RMI1: variants seen among roughly 807,000 people sequenced by gnomAD.
RMI1 encodes recQ-mediated genome instability protein 1.
RMI1 carries 36 observed loss-of-function variants against 46.7 expected under a neutral mutation model. That is an observed-to-expected ratio of 0.77 (90% CI 0.59 to 1.02). RMI1 has a LOEUF of 1.02. Among genes scored for constraint, RMI1 ranks in the 50% least tolerant of loss-of-function variants. The pLI is 0.00. For synonymous variants in RMI1, 250 were observed against 252.9 expected (o/e 0.99, Z 0.11); for missense variants, 676 against 713.7 (o/e 0.95, Z 0.60).
intron 1 of RMI1, among the ~76,000 whole-genome samples, chr9:83,984,052 A>G (rs893347953): frequency 6.6e-6 from 1 of 152,040 alleles, no homozygotes; most frequent in Non-Finnish European, 1.5e-5. Context: ...TGCCACATAA[A>G]TCTTTGTCTT....
At chr9:83,988,492 C>T (rs965639592) in intron 1 of RMI1, among the ~76,000 whole-genome samples, 1 of 152,056 alleles carries the variant, frequency 6.6e-6, no homozygotes, top group Non-Finnish European at 1.5e-5. Context: ...TTGGTAGAGA[C>T]AGAGTTTTGC....
At chr9:83,993,781 T>A (rs568727215) in intron 1 of RMI1, among the ~76,000 whole-genome samples, 21 of 151,834 alleles carry the variant, frequency 1.4e-4, no homozygotes, top group Admixed American at 2.6e-4. Flanking sequence ...TGTATATCTT[T>A]TTATTATTAT....
chr9:83,994,122 T>C (rs1957615756), intron 1 of RMI1, among the ~76,000 whole-genome samples: 1 of 152,112 alleles, frequency 6.6e-6, no homozygotes, highest in African/African-American at 2.4e-5. Context: ...TCAAGCTCTT[T>C]GCCCATTTTC....
chr9:83,983,754 G>A (rs1031560303), intron 1 of RMI1, among the ~76,000 whole-genome samples: 1 of 151,986 alleles, frequency 6.6e-6, no homozygotes, highest in Non-Finnish European at 1.5e-5. Flanking sequence ...ATGCAGATTA[G>A]TGTGGTCAGC....
chr9:83,980,717 G>A (rs953056894), upstream of RMI1: 4 of 152,300 alleles, frequency 2.6e-5, no homozygotes, highest in Admixed American at 6.5e-5. Context: ...GGGCGGGGAA[G>A]GGGCGTTTTC....
chr9:83,991,324 A>G (rs1256033967), intron 1 of RMI1, among the ~76,000 whole-genome samples: 1 of 148,532 alleles, frequency 6.7e-6, no homozygotes, highest in South Asian at 2.1e-4. Flanking sequence ...TTTTTTAACT[A>G]ATATTTTTTA....
intron 1 of RMI1, among the ~76,000 whole-genome samples, chr9:83,995,928 T>A (rs1437622563): frequency 6.6e-6 from 1 of 152,204 alleles, no homozygotes; most frequent in African/African-American, 2.4e-5. Flanking sequence ...TCTTTTAGGA[T>A]GTTAGTCCCA....
chr9:83,994,051 T>C (rs138776362), intron 1 of RMI1, among the ~76,000 whole-genome samples: 1,751 of 152,060 alleles, frequency 0.012, 34 homozygotes, highest in African/African-American at 0.04. Context: ...CCCAAAGTGC[T>C]GGGATTACAA....
At chr9:83,993,610 G>C (rs775844417) in intron 1 of RMI1, among the ~76,000 whole-genome samples, 4 of 151,960 alleles carry the variant, frequency 2.6e-5, no homozygotes, top group Non-Finnish European at 5.9e-5. Context: ...CAGTGCACAG[G>C]GGTTTCAATT....
intron 1 of RMI1, among the ~76,000 whole-genome samples, chr9:83,995,703 C>T (rs1185748597): frequency 6.6e-6 from 1 of 152,234 alleles, no homozygotes; most frequent in Non-Finnish European, 1.5e-5. Context: ...GCTGGGATTA[C>T]AGGCGTGAGC....
Position 84,002,575 on chromosome 9 carries a change from T to G in RMI1, c.1589T>G (p.Ile530Arg), listed in dbSNP as rs756309332. The G allele has an allele frequency of 3.7e-6, 6 of 1,613,954 alleles. No individual in the cohort carries two copies. The highest frequency in any genetic ancestry group is 5.1e-6 in the Non-Finnish European group (6 of 1,179,884). The change falls in exon 3 of 3, where the codon ATA becomes AGA. Residue 530 changes from isoleucine to arginine, a missense_variant. Physicochemically the swap from Ile to Arg is moderately conservative, Grantham distance 97. Transcript: ENST00000445877. ...TCAAGTTCTGGTGGTATTTGGAGTATAACTGCAAAGGTGTCTGATGGTACT... is the reference window on the plus strand; with the variant it reads ...TCAAGTTCTGGTGGTATTTGGAGTAGAACTGCAAAGGTGTCTGATGGTACT... ...NLSSSGGIWS[I>R]TAKVSDGTAY...
intron 1 of RMI1, among the ~76,000 whole-genome samples, chr9:83,986,669 T>G (rs975621308): frequency 6.6e-6 from 1 of 152,226 alleles, no homozygotes; most frequent in Non-Finnish European, 1.5e-5. Context: ...AAAAAAATTT[T>G]AAGTCTTACA....
Position 83,980,829 on chromosome 9 carries a change from C to G in RMI1, c.-188C>G, listed in dbSNP as rs775640075. On this transcript the variant is annotated 5_prime_UTR_variant, in exon 1 of 3. Transcript: ENST00000445877. ...GAACTGGGAGCGCGCCGCGGCGGTT[C>G]CTGTCCTTACAGTTGCGCTGCCCAG... 1 of 152,380 alleles carries G rather than the reference C, an allele frequency of 6.6e-6. No homozygotes were observed. The highest frequency in any genetic ancestry group is 2.4e-5 in the African/African-American group (1 of 41,472). 9.4% of individuals were successfully genotyped at this position (152,380 alleles called of 1,614,324 possible). A position where few individuals can be genotyped will look rare whatever the true frequency, so the allele number is the denominator to read the frequency against.
In RMI1 at chr9:83,999,775, A is replaced by G. The variant is rs1424111596; in HGVS notation, c.-59A>G. The G allele has an allele frequency of 6.6e-6, 1 of 152,210 alleles. No homozygotes were observed. Among genetic ancestry groups the G allele is most frequent in the Non-Finnish European group, 1.5e-5 (1 of 68,034 alleles). 9.4% of individuals were successfully genotyped at this position (152,210 alleles called of 1,614,324 possible). On this transcript the variant is annotated 5_prime_UTR_variant, in exon 2 of 3. Coordinates refer to ENST00000445877, the MANE Select transcript of RMI1 (RefSeq NM_001358291.2). ...AACCAGTTCCAAATTCTGTCATCAAATCCTGTGCTGCTGTTCCTCGTGGTA... is the reference window on the plus strand; with the variant it reads ...AACCAGTTCCAAATTCTGTCATCAAGTCCTGTGCTGCTGTTCCTCGTGGTA...
chr9:83,995,482 C>G (rs911455371), intron 1 of RMI1, among the ~76,000 whole-genome samples: 1 of 148,776 alleles, frequency 6.7e-6, no homozygotes. Context: ...GGCTAGAGTG[C>G]AATAGCACGA....
At chr9:83,999,024 C>G (rs989510949) in intron 1 of RMI1, among the ~76,000 whole-genome samples, 4 of 152,010 alleles carry the variant, frequency 2.6e-5, no homozygotes, top group African/African-American at 9.7e-5. Flanking sequence ...ACCTGTAGTC[C>G]CAGCTACTGG....
At chr9:83,980,475 A>G (rs1043750893), upstream of RMI1, 8 of 152,796 alleles carry the variant, frequency 5.2e-5, no homozygotes, top group African/African-American at 1.9e-4. Flanking sequence ...CGAATCAGCA[A>G]TACCCAAGCT....
intron 1 of RMI1, among the ~76,000 whole-genome samples, chr9:83,994,977 TA>T: frequency 6.6e-6 from 1 of 152,142 alleles, no homozygotes; most frequent in Admixed American, 6.6e-5. Context: ...TAGAAAATAA[TA>T]TCTTGGAAAA....
rs17086760 is a variant in RMI1 at position 84,000,022 on chromosome 9, A to G, written c.-37+225A>G. On this transcript the variant is annotated intron_variant, in intron 2 of 2. Coordinates refer to ENST00000445877, the MANE Select transcript of RMI1 (RefSeq NM_001358291.2). ...CCAACAAATAAGATGCTTTACATCT[A>G]TCAGCTCAGAGTCTGCTGTTATTTG... Among the ~76,000 whole-genome samples, 698 of 152,324 alleles carry G rather than the reference A, an allele frequency of 4.6e-3. 27 individuals are homozygous for G. In the East Asian group the frequency reaches 0.079, roughly 17 times the overall value.
Sources: allele counts gnomAD v4.1 joint callset (sites outside exome capture counted in the v4.1 genomes callset), GRCh38; gene constraint gnomAD v4.1.1; transcripts MANE v1.5; gene names NCBI Gene and HGNC (gene_info 2026-07-23, HGNC 2026-07-21).